KCNH5: variants seen among roughly 807,000 people sequenced by gnomAD.
KCNH5 encodes voltage-gated delayed rectifier potassium channel KCNH5.
KCNH5 carries 46 observed loss-of-function variants against 96.1 expected under a neutral mutation model. That is an observed-to-expected ratio of 0.48 (90% CI 0.38 to 0.61). KCNH5 has a LOEUF of 0.61. Among genes scored for constraint, KCNH5 ranks in the 20% least tolerant of loss-of-function variants. The pLI is 0.00. For missense variants in KCNH5, 907 were observed against 1,225.8 expected (o/e 0.74, Z 3.88); for synonymous variants, 439 against 449.8 (o/e 0.98, Z 0.30).
chr14:62,961,654 T>C (rs1410830075), intron 6 of KCNH5, among the ~76,000 whole-genome samples: 1 of 151,988 alleles, frequency 6.6e-6, no homozygotes, highest in African/African-American at 2.4e-5. Context: ...GAAACAGGAC[T>C]AACAGGACAT....
At chr14:62,879,300 T>G (rs955371880) in intron 7 of KCNH5, among the ~76,000 whole-genome samples, 1 of 152,164 alleles carries the variant, frequency 6.6e-6, no homozygotes, top group African/African-American at 2.4e-5. Flanking sequence ...CAAAACTAGT[T>G]AGGCAGTCTC....
At chr14:62,754,173 G>T (rs1595607656) in intron 10 of KCNH5, among the ~76,000 whole-genome samples, 1 of 152,078 alleles carries the variant, frequency 6.6e-6, no homozygotes, top group African/African-American at 2.4e-5. Context: ...GTATTAATTT[G>T]TCATCAGCTT....
intron 10 of KCNH5, among the ~76,000 whole-genome samples, chr14:62,742,989 G>T (rs915398682): frequency 2.6e-5 from 4 of 152,140 alleles, no homozygotes; most frequent in Admixed American, 6.6e-5. Flanking sequence ...CCTTAAAATA[G>T]TACAGAAGAT....
At chr14:62,826,812 T>C (rs1305774748) in intron 8 of KCNH5, among the ~76,000 whole-genome samples, 1 of 152,042 alleles carries the variant, frequency 6.6e-6, no homozygotes, top group Non-Finnish European at 1.5e-5. Context: ...AGAGCATTTA[T>C]AGTTACTTTC....
chr14:62,808,330 G>A (rs1886810447), intron 8 of KCNH5, among the ~76,000 whole-genome samples: 1 of 152,086 alleles, frequency 6.6e-6, no homozygotes, highest in Non-Finnish European at 1.5e-5. Flanking sequence ...GATTCTGTGT[G>A]TAAACATATT....
intron 8 of KCNH5, among the ~76,000 whole-genome samples, chr14:62,840,553 T>TTC (rs1887558445): frequency 2.2e-5 from 3 of 135,344 alleles, no homozygotes; most frequent in Non-Finnish European, 4.7e-5. Flanking sequence ...TGTTTTTCTT[T>TTC]TTTCTTTTTT....
chr14:62,972,962 T>C (rs1890436819), intron 6 of KCNH5, among the ~76,000 whole-genome samples: 1 of 152,114 alleles, frequency 6.6e-6, no homozygotes, highest in South Asian at 2.1e-4. Context: ...TCCAAACCCA[T>C]TAAATGTACA....
chr14:62,956,964 T>G (rs536018565), intron 6 of KCNH5, among the ~76,000 whole-genome samples: 4 of 152,318 alleles, frequency 2.6e-5, no homozygotes, highest in African/African-American at 9.6e-5. Flanking sequence ...TCTGCCTCTA[T>G]CCCAGCCTCT....
chr14:62,755,881 T>C (rs919998624), intron 10 of KCNH5, among the ~76,000 whole-genome samples: 11 of 152,174 alleles, frequency 7.2e-5, no homozygotes, highest in African/African-American at 2.7e-4. Context: ...CAATTGATGC[T>C]GAAAATGCAT....
chr14:62,818,019 A>C (rs1184667011), intron 8 of KCNH5, among the ~76,000 whole-genome samples: 1 of 147,288 alleles, frequency 6.8e-6, no homozygotes. Context: ...ATGAATAAAG[A>C]CTAATACTGC....
chr14:62,853,761 G>A (rs991548272), intron 7 of KCNH5, among the ~76,000 whole-genome samples: 1 of 151,492 alleles, frequency 6.6e-6, no homozygotes, highest in African/African-American at 2.4e-5. Flanking sequence ...TGTAATCTCA[G>A]CATTTTGGGA....
At chr14:62,980,721 G>A (rs184025617) in intron 6 of KCNH5, 151 bp downstream of exon 6, 1 of 720,684 alleles carries the variant, frequency 1.4e-6, no homozygotes, top group Non-Finnish European at 2.2e-6. Context: ...CTAATTTAAG[G>A]TAATCAAATA....
chr14:62,708,419 C>T lies in KCNH5; in HGVS notation c.2056G>A (p.Glu686Lys). Residue 686 changes from glutamate to lysine, a missense_variant, in exon 11 of 11, where the codon GAG becomes AAG. Glu to Lys is a moderately conservative substitution (Grantham distance 56). Around this residue, in one of 6 missense-constraint regions of KCNH5, gnomAD observed 362 missense variants for 394.4 expected, o/e 0.92. Transcript: ENST00000322893. The stretch of plus-strand genomic sequence containing the variant: ...TTCTTCTGCCGGAGGCGCTCCTCCT[C>T]CTCTTTCTTCACATCACTGATCTTA... ...FRKISDVKKE[E>K]EERLRQKNEV... 2 of 1,606,732 alleles carry T rather than the reference C, an allele frequency of 1.2e-6. No homozygotes were observed. Among genetic ancestry groups the T allele is most frequent in the Non-Finnish European group, 1.7e-6 (2 of 1,178,600 alleles).
At chr14:62,987,814 T>C (rs1890738313) in intron 4 of KCNH5, among the ~76,000 whole-genome samples, 1 of 152,186 alleles carries the variant, frequency 6.6e-6, no homozygotes, top group Admixed American at 6.6e-5. Context: ...TGGGGATTTA[T>C]TTGTTACAGC....
chr14:62,817,790 AT>A (rs1328897195), intron 8 of KCNH5, among the ~76,000 whole-genome samples: 1 of 143,630 alleles, frequency 7.0e-6, no homozygotes, highest in Non-Finnish European at 1.5e-5. Context: ...ATATATATAT[AT>A]ATTCTATATA....
At chr14:62,781,535 C>T (rs984966928) in intron 9 of KCNH5, among the ~76,000 whole-genome samples, 2 of 152,160 alleles carry the variant, frequency 1.3e-5, no homozygotes, top group African/African-American at 2.4e-5. Context: ...GAGACGGCCA[C>T]GCCCGGCGGG....
intron 7 of KCNH5, among the ~76,000 whole-genome samples, chr14:62,880,440 A>G (rs563794511): frequency 6.6e-6 from 1 of 152,242 alleles, no homozygotes; most frequent in African/African-American, 2.4e-5. Context: ...ACAAGGCAAA[A>G]GAGTAAAAAC....
At chr14:62,972,098 A>T (rs1285006729) in intron 6 of KCNH5, among the ~76,000 whole-genome samples, 1 of 152,210 alleles carries the variant, frequency 6.6e-6, no homozygotes, top group South Asian at 2.1e-4. Flanking sequence ...TATTTGCAAA[A>T]GACATCTAAT....
At chr14:62,936,531 C>T (rs935868144) in intron 7 of KCNH5, among the ~76,000 whole-genome samples, 6 of 151,468 alleles carry the variant, frequency 4.0e-5, no homozygotes, top group South Asian at 2.1e-4. Flanking sequence ...AAAAATCAGC[C>T]GGGCATGGTG....
Sources: allele counts gnomAD v4.1 joint callset (sites outside exome capture counted in the v4.1 genomes callset), GRCh38; gene constraint gnomAD v4.1.1; regional missense constraint gnomAD v4.1.1; transcripts MANE v1.5; gene names NCBI Gene and HGNC (gene_info 2026-07-23, HGNC 2026-07-21).